Variants in GPC6 observed in about 807,000 individuals in gnomAD.
The protein encoded by GPC6 is glypican 6, also known as glypican-6.
Under a neutral mutation model 55.2 loss-of-function variants are expected in GPC6, and 14 were observed. The observed-to-expected ratio is 0.25, with a 90% CI of 0.17 to 0.40. The LOEUF (loss-of-function observed/expected upper bound fraction) is 0.40, where lower values mean the gene tolerates loss of function less well. Among genes scored for constraint, GPC6 ranks in the 10% least tolerant of loss-of-function variants. GPC6 has a pLI of 1.00. For synonymous variants in GPC6, 278 were observed against 259.6 expected (o/e 1.07, Z -0.68); for missense variants, 641 against 708.5 (o/e 0.90, Z 1.08).
At chr13:93,614,767 A>T (rs2139546560) in intron 2 of GPC6, among the ~76,000 whole-genome samples, 1 of 152,336 alleles carries the variant, frequency 6.6e-6, no homozygotes, top group East Asian at 1.9e-4. Flanking sequence ...AAAGTAAAGA[A>T]AAATACACCA....
chr13:94,221,918 T>A (rs964821870), intron 4 of GPC6, among the ~76,000 whole-genome samples: 37 of 152,084 alleles, frequency 2.4e-4, no homozygotes, highest in African/African-American at 8.9e-4. Flanking sequence ...TATCAGGAAT[T>A]AACACCACAG....
At chr13:93,832,499 T>A (rs57307452) in intron 3 of GPC6, among the ~76,000 whole-genome samples, 5,676 of 152,172 alleles carry the variant, frequency 0.037, 137 homozygotes, top group South Asian at 0.065. Context: ...TATGCCTGAT[T>A]ATGTGTATTT....
intron 2 of GPC6, among the ~76,000 whole-genome samples, chr13:93,794,004 C>T (rs921729815): frequency 1.3e-5 from 2 of 152,108 alleles, no homozygotes; most frequent in African/African-American, 2.4e-5. Context: ...CGTGTTTGTG[C>T]TTTGCTTTGA....
At chr13:93,825,314 C>T (rs1206953730) in intron 2 of GPC6, among the ~76,000 whole-genome samples, 1 of 152,168 alleles carries the variant, frequency 6.6e-6, no homozygotes, top group Non-Finnish European at 1.5e-5. Flanking sequence ...CCCCAAACCC[C>T]TGCCCAAAGA....
At chr13:94,396,541 C>T (rs1026481923) in intron 7 of GPC6, among the ~76,000 whole-genome samples, 1 of 152,250 alleles carries the variant, frequency 6.6e-6, no homozygotes, top group Non-Finnish European at 1.5e-5. Flanking sequence ...AATGCCCAAC[C>T]AAACCTGGCC....
intron 2 of GPC6, among the ~76,000 whole-genome samples, chr13:93,770,637 C>T (rs886875807): frequency 2.0e-5 from 3 of 152,144 alleles, no homozygotes; most frequent in Admixed American, 6.6e-5. Context: ...ATTCTACCCA[C>T]CTTCTTTCTG....
chr13:94,241,969 G>A (rs1171514331), intron 4 of GPC6, among the ~76,000 whole-genome samples: 1 of 151,654 alleles, frequency 6.6e-6, no homozygotes, highest in Non-Finnish European at 1.5e-5. Flanking sequence ...TGCACAACGT[G>A]CAGGTTTGTT....
At chr13:94,261,606 C>T (rs1343728118) in intron 4 of GPC6, among the ~76,000 whole-genome samples, 1 of 152,062 alleles carries the variant, frequency 6.6e-6, no homozygotes, top group African/African-American at 2.4e-5. Flanking sequence ...AGGCCTATAC[C>T]CTGGAGGAGC....
intron 4 of GPC6, among the ~76,000 whole-genome samples, chr13:94,213,611 A>G (rs1364230476): frequency 2.0e-5 from 3 of 152,106 alleles, no homozygotes; most frequent in African/African-American, 7.2e-5. Context: ...CTCACCTGGG[A>G]TGGGACTTGC....
intron 3 of GPC6, chr13:93,830,774 T>C: frequency 1.9e-6 from 1 of 535,128 alleles, no homozygotes; most frequent in Non-Finnish European, 3.3e-6. Context: ...TGAAAATTAA[T>C]GTTAATACTT....
At chr13:94,073,817 T>G (rs151035023) in intron 4 of GPC6, among the ~76,000 whole-genome samples, 33 of 152,310 alleles carry the variant, frequency 2.2e-4, no homozygotes, top group South Asian at 1.0e-3. Flanking sequence ...CACTAGAGCT[T>G]TGTTTAACTT....
intron 1 of GPC6, among the ~76,000 whole-genome samples, chr13:93,253,267 A>G (rs1351995083): frequency 6.6e-6 from 1 of 152,198 alleles, no homozygotes; most frequent in Non-Finnish European, 1.5e-5. Context: ...AAGCAATCAA[A>G]TTGTACTGCC....
At chr13:93,360,482 G>T (rs1190699965) in intron 1 of GPC6, among the ~76,000 whole-genome samples, 3 of 152,128 alleles carry the variant, frequency 2.0e-5, no homozygotes, top group Non-Finnish European at 4.4e-5. Flanking sequence ...TAGCCCAAAA[G>T]TTAGTATGGT....
chr13:93,715,308 A>G (rs576858181), intron 2 of GPC6, among the ~76,000 whole-genome samples: 2 of 151,880 alleles, frequency 1.3e-5, no homozygotes, highest in African/African-American at 4.8e-5. Flanking sequence ...TGTCCTTTAC[A>G]GTAGTATGGA....
intron 1 of GPC6, among the ~76,000 whole-genome samples, chr13:93,543,768 G>A (rs966773319): frequency 6.6e-6 from 1 of 152,104 alleles, no homozygotes; most frequent in Non-Finnish European, 1.5e-5. Context: ...ATTGTGCGTA[G>A]TGTTCCAGTA....
intron 6 of GPC6, among the ~76,000 whole-genome samples, chr13:94,377,316 C>A (rs1879917977): frequency 1.8e-5 from 2 of 111,552 alleles, no homozygotes; most frequent in African/African-American, 3.4e-5. Context: ...GGCTAATATC[C>A]AGAATCTACA....
At chr13:94,351,055 G>A (rs576943568) in intron 6 of GPC6, among the ~76,000 whole-genome samples, 77 of 152,232 alleles carry the variant, frequency 5.1e-4, no homozygotes, top group Non-Finnish European at 9.0e-4. Context: ...TTTTAGATGA[G>A]TGGGTAAGAA....
upstream of GPC6, among the ~76,000 whole-genome samples, chr13:93,226,426 A>G (rs1486723066): frequency 6.6e-6 from 1 of 152,204 alleles, no homozygotes; most frequent in African/African-American, 2.4e-5. Flanking sequence ...TCAAACAGAA[A>G]TTAGGCAACT....
intron 3 of GPC6, among the ~76,000 whole-genome samples, chr13:93,970,521 G>T (rs1301170566): frequency 6.6e-6 from 1 of 152,206 alleles, no homozygotes; most frequent in Non-Finnish European, 1.5e-5. Context: ...TCCTAGCAGA[G>T]CATTCTCAGC....
Sources: gnomAD v4.1 joint callset for allele counts (sites outside exome capture counted in the v4.1 genomes callset) on GRCh38, gnomAD v4.1.1 for gene constraint, MANE v1.5 for transcripts, NCBI Gene and HGNC (gene_info 2026-07-23, HGNC 2026-07-21) for gene names.